Variants in CEP350 observed in about 807,000 individuals in gnomAD.
The protein encoded by CEP350 is centrosome-associated protein 350.
A neutral mutation model predicts 331.8 loss-of-function variants in CEP350; 126 were observed. The ratio of observed to expected loss-of-function variants is 0.38; its 90% CI spans 0.33 to 0.44. The LOEUF (loss-of-function observed/expected upper bound fraction) is 0.44, where lower values mean the gene tolerates loss of function less well. Ranked by LOEUF, CEP350 falls within the 20% of genes least tolerant of loss-of-function variation. The probability of loss-of-function intolerance (pLI) is 1.00; values close to 1 mark genes in which losing one functional copy is unlikely to be tolerated. For missense variants in CEP350, 3,406 were observed against 3,634.6 expected (o/e 0.94, Z 1.62); for synonymous variants, 1,200 against 1,259.5 (o/e 0.95, Z 1.00).
At chr1:180,013,363 G>A (rs909740351) in intron 9 of CEP350, among the ~76,000 whole-genome samples, 2 of 151,982 alleles carry the variant, frequency 1.3e-5, no homozygotes, top group Non-Finnish European at 2.9e-5. Flanking sequence ...TTATTATTTG[G>A]CATATGCAGT....
At chr1:180,070,492 T>C (rs1441273463) in intron 27 of CEP350, among the ~76,000 whole-genome samples, 1 of 152,054 alleles carries the variant, frequency 6.6e-6, no homozygotes, top group African/African-American at 2.4e-5. Context: ...AGTCATAAAA[T>C]GTTAAAATTG....
At chr1:180,046,207 A>G (rs1177131741) in intron 21 of CEP350, among the ~76,000 whole-genome samples, 1 of 152,210 alleles carries the variant, frequency 6.6e-6, no homozygotes, top group Admixed American at 6.5e-5. Flanking sequence ...TCATCACCCC[A>G]GAAAGAAACT....
Position 180,033,917 on chromosome 1 carries a change from AG to A in CEP350, c.3782del (p.Ser1261IlefsTer22). ...AACTCCAACTTCTCCCCTGTCACCA[AG>A]TTCCCAGAAATCATTGCAGTTTGAC... ...QKTPTSPLSP[S>X]SQKSLQFDVA... On this transcript the variant is annotated frameshift_variant, in exon 16 of 38. Coordinates refer to ENST00000367607, the MANE Select transcript of CEP350 (RefSeq NM_014810.5). LOFTEE classifies it high-confidence loss of function. The A allele has an allele frequency of 6.2e-7, 1 of 1,613,926 alleles. No individual in the cohort carries two copies. Among genetic ancestry groups the A allele is most frequent in the Non-Finnish European group, 8.5e-7 (1 of 1,179,830 alleles).
intron 30 of CEP350, among the ~76,000 whole-genome samples, chr1:180,083,184 A>T (rs549991050): frequency 1.3e-5 from 2 of 152,342 alleles, no homozygotes; most frequent in East Asian, 3.9e-4. Context: ...AGACTATTAA[A>T]TGTCTCACTC....
rs1273723650 is a variant in CEP350, at chr1:180,113,291, G to C, written c.*2130G>C. On this transcript the variant is annotated 3_prime_UTR_variant, in exon 38 of 38. Transcript: ENST00000367607. ...TTCAAAATGTTATAATGGGACTGTA[G>C]GTTGTTTTTCTACATCTTCATTATT... 1 of 151,964 alleles carries C rather than the reference G, an allele frequency of 6.6e-6. No individual in the cohort carries two copies. The highest frequency in any genetic ancestry group is 1.5e-5 in the Non-Finnish European group (1 of 68,000). The allele number at this position is 151,964 out of a possible 1,614,324, so 9.4% of individuals were successfully genotyped here. A position where few individuals can be genotyped will look rare whatever the true frequency, so the allele number is the denominator to read the frequency against.
intron 1 of CEP350, among the ~76,000 whole-genome samples, chr1:179,959,041 AAG>A (rs1650383572): frequency 6.6e-6 from 1 of 152,174 alleles, no homozygotes. Flanking sequence ...TTTCTAAAAA[AAG>A]GAAGTAAATT....
At chr1:179,987,189 A>G (rs560290242) in intron 2 of CEP350, 51 bp from the exon 3 acceptor site, 3 of 957,372 alleles carry the variant, frequency 3.1e-6, no homozygotes, top group African/African-American at 3.3e-5. Context: ...TCTGAGGTCT[A>G]ATTCAGAGAT....
intron 7 of CEP350, among the ~76,000 whole-genome samples, chr1:180,003,763 A>G (rs905135905): frequency 3.3e-5 from 5 of 152,214 alleles, no homozygotes; most frequent in African/African-American, 1.2e-4. Context: ...GGAAGGTCAT[A>G]CTAATAATGG....
chr1:180,020,126 T>A lies in CEP350; in HGVS notation c.2352T>A (p.Asn784Lys). 6.2e-7 allele frequency: 1 copy of A among 1,614,020 alleles called. No individual in the cohort carries two copies. Among genetic ancestry groups the A allele is most frequent in the Non-Finnish European group, 8.5e-7 (1 of 1,179,886 alleles). Reference sequence around the variant, plus strand: ...AATCTATTTTACCAACCAGGAAGAATCATAATATGGCTTCAAGGCCATTAA... The same window carrying A: ...AATCTATTTTACCAACCAGGAAGAAACATAATATGGCTTCAAGGCCATTAA... ...DFESILPTRK[N>K]HNMASRPLTF... Residue 784 changes from asparagine to lysine, a missense_variant, in exon 12 of 38, where the codon AAT (asparagine) becomes AAA (lysine). Around this residue, in one of 5 missense-constraint regions of CEP350, gnomAD observed 1,857 missense variants for 1,909.2 expected, o/e 0.97. Coordinates refer to ENST00000367607, the MANE Select transcript of CEP350 (RefSeq NM_014810.5).
At chr1:180,034,898 TA>T (rs1394148366) in intron 16 of CEP350, among the ~76,000 whole-genome samples, 1 of 152,196 alleles carries the variant, frequency 6.6e-6, no homozygotes, top group Non-Finnish European at 1.5e-5. Flanking sequence ...TCTCTCACTT[TA>T]AATCAGAAGC....
In CEP350 at chr1:180,106,722, G is replaced by A. The variant is rs113228692; in HGVS notation, c.9190-4275G>A. Among the ~76,000 whole-genome samples, 34 of 151,970 alleles carry A rather than the reference G, an allele frequency of 2.2e-4. No individual in the cohort carries two copies. The South Asian group carries it at 4.8e-3, about 21-fold the overall frequency. Reference sequence around the variant, plus strand: ...ACTAGGATTATAGGGATGCATCACCGCGACCAGCCTCGTGTATTATTTAAT... The same window carrying A: ...ACTAGGATTATAGGGATGCATCACCACGACCAGCCTCGTGTATTATTTAAT... On this transcript the variant is annotated intron_variant, in intron 37 of 37. Transcript: ENST00000367607.
chr1:179,969,140 T>C, intron 1 of CEP350: 1 of 645,634 alleles, frequency 1.5e-6, no homozygotes, highest in South Asian at 1.4e-5. Context: ...GGAAGCTCAC[T>C]CAGTGGGTTT....
At chr1:179,984,458 G>A (rs1019462977) in intron 1 of CEP350, among the ~76,000 whole-genome samples, 3 of 152,142 alleles carry the variant, frequency 2.0e-5, no homozygotes, top group Non-Finnish European at 2.9e-5. Context: ...ATAGGCAGGC[G>A]GCTTCAGTTC....
chr1:179,975,027 G>A (rs1179487793), intron 1 of CEP350, among the ~76,000 whole-genome samples: 1 of 151,858 alleles, frequency 6.6e-6, no homozygotes, highest in Non-Finnish European at 1.5e-5. Context: ...AAAATGAAGA[G>A]AATACTATAG....
rs553785002 is a variant in CEP350 at position 179,972,936 on chromosome 1, C to T, written c.-13-13233C>T. Among the ~76,000 whole-genome samples, 3 of 150,736 alleles carry T rather than the reference C, an allele frequency of 2.0e-5. No homozygotes were observed. In the South Asian group the frequency reaches 6.3e-4, roughly 32 times the overall value. On this transcript the variant is annotated intron_variant, in intron 1 of 37. Coordinates refer to ENST00000367607, the MANE Select transcript of CEP350 (RefSeq NM_014810.5). ...AGGCTGGAGTGCAGTGGCATGATCT[C>T]GGCTCACTGCAAGCTCCGCCTCCGG...
At chr1:179,982,794 G>GT (rs1652375615) in intron 1 of CEP350, among the ~76,000 whole-genome samples, 1 of 152,092 alleles carries the variant, frequency 6.6e-6, no homozygotes, top group Non-Finnish European at 1.5e-5. Context: ...AGGAAAATGA[G>GT]TTTTTTGTTG....
intron 5 of CEP350, among the ~76,000 whole-genome samples, chr1:179,994,859 A>T (rs2148707260): frequency 6.6e-6 from 1 of 152,252 alleles, no homozygotes; most frequent in East Asian, 1.9e-4. Flanking sequence ...TTTCTTAGAA[A>T]AATGCACACG....
rs1654159074 is a variant in CEP350, at chr1:180,004,964, CTCTT to C, written c.1133-1488_1133-1485del. Among the ~76,000 whole-genome samples the C allele has an allele frequency of 2.4e-5, 3 of 126,464 alleles. No individual in the cohort carries two copies. In the South Asian group the frequency reaches 7.5e-4, roughly 32 times the overall value. 83.0% of individuals were successfully genotyped at this position (126,464 alleles called of 152,430 possible). A position where few individuals can be genotyped will look rare whatever the true frequency, so the allele number is the denominator to read the frequency against. On this transcript the variant is annotated intron_variant, in intron 7 of 37. Coordinates refer to ENST00000367607, the MANE Select transcript of CEP350 (RefSeq NM_014810.5). ...CTTTCTTTCTTTCTTTCCCCTCTCT[CTCTT>C]TTTTTAAATTTCTTTTTTTTTTCTT... is the stretch of plus-strand genomic sequence containing the variant.
Position 180,078,694 on chromosome 1 carries a change from T to C in CEP350, c.5979+20T>C. The C allele has an allele frequency of 6.4e-7, 1 of 1,556,366 alleles. No homozygotes were observed. Among genetic ancestry groups the C allele is most frequent in the Non-Finnish European group, 8.7e-7 (1 of 1,150,838 alleles). ...AAACATGTAAGTTAATGTATATTTATATCTTAAAGATTCTCTAGAAAAAAA... is the reference window on the plus strand; with the variant it reads ...AAACATGTAAGTTAATGTATATTTACATCTTAAAGATTCTCTAGAAAAAAA... On this transcript the variant is annotated intron_variant, in intron 29 of 37. Transcript: ENST00000367607.
Sources: allele counts gnomAD v4.1 joint callset (sites outside exome capture counted in the v4.1 genomes callset), GRCh38; gene constraint gnomAD v4.1.1; regional missense constraint gnomAD v4.1.1; transcripts MANE v1.5; gene names NCBI Gene and HGNC (gene_info 2026-07-23, HGNC 2026-07-21).